Variants in GRAMD1B observed in about 807,000 individuals in gnomAD.
GRAMD1B encodes the protein GRAM domain containing 1B.
In GRAMD1B, 37 loss-of-function variants were observed where a neutral mutation model predicts 99.7. The observed-to-expected ratio is 0.37, with a 90% confidence interval of 0.29 to 0.49. The LOEUF is 0.49. GRAMD1B is among the 20% of genes least tolerant of loss of function. The pLI, the probability that GRAMD1B is intolerant of heterozygous loss-of-function variation, is 0.98. For missense variants in GRAMD1B, 888 were observed against 1,009.2 expected (o/e 0.88, Z 1.63); for synonymous variants, 427 against 387.6 (o/e 1.10, Z -1.19).
At chr11:123,542,757 A>G (rs1944658851) in intron 2 of GRAMD1B, among the ~76,000 whole-genome samples, 1 of 152,102 alleles carries the variant, frequency 6.6e-6, no homozygotes, top group South Asian at 2.1e-4. Flanking sequence ...GGTTCAAGCA[A>G]TTCTTCTGCT....
At chr11:123,449,158 G>A (rs1252785558) in intron 1 of GRAMD1B, among the ~76,000 whole-genome samples, 1 of 152,206 alleles carries the variant, frequency 6.6e-6, no homozygotes, top group Non-Finnish European at 1.5e-5. Context: ...TCTTGACTGA[G>A]GTCTTCATTA....
In GRAMD1B at chr11:123,626,807, CTT is replaced by C. The variant is rs1955530800; in HGVS notation, c.*4213_*4214del. On this transcript the variant is annotated 3_prime_UTR_variant, in exon 20 of 20. Transcript: ENST00000635736. ...CCAATCCTCTTCACCTCTGTGTTTT[CTT>C]CTAGAAGATGCATTTTGGGTCTGAG... The C allele has an allele frequency of 6.6e-6, 1 of 152,300 alleles. No individual in the cohort carries two copies. The highest frequency in any genetic ancestry group is 6.5e-5 in the Admixed American group (1 of 15,284). The allele number at this position is 152,300 out of a possible 1,614,324, so 9.4% of individuals were successfully genotyped here. A position where few individuals can be genotyped will look rare whatever the true frequency, so the allele number is the denominator to read the frequency against.
At chr11:123,478,521 CT>C (rs1197998076) in intron 1 of GRAMD1B, among the ~76,000 whole-genome samples, 5 of 152,204 alleles carry the variant, frequency 3.3e-5, no homozygotes, top group Non-Finnish European at 5.9e-5. Context: ...GAGGCAGTTC[CT>C]GGTTCCGGTT....
At chr11:123,538,035 G>C (rs1178471180) in intron 2 of GRAMD1B, among the ~76,000 whole-genome samples, 2 of 152,160 alleles carry the variant, frequency 1.3e-5, no homozygotes, top group South Asian at 4.1e-4. Context: ...GGTACCCTTA[G>C]CCACATCCTT....
chr11:123,612,259 C>G (rs1025425379), intron 14 of GRAMD1B, among the ~76,000 whole-genome samples: 11 of 152,120 alleles, frequency 7.2e-5, no homozygotes, highest in African/African-American at 2.4e-4. Context: ...GGGTCTCACT[C>G]TGTTGCCCAG....
chr11:123,526,608 G>GA lies in GRAMD1B; in HGVS notation c.452+45715_452+45716insA, dbSNP rs1436587945. 3.9e-5 allele frequency among the ~76,000 whole-genome samples: 6 copies of GA among 152,274 alleles called. No homozygotes were observed. In the East Asian group the frequency reaches 1.2e-3, roughly 30 times the overall value. On this transcript the variant is annotated intron_variant, in intron 2 of 19. Coordinates refer to ENST00000635736, the MANE Select transcript of GRAMD1B (RefSeq NM_001387025.1). ...GTGATTTTGAGGGAGGGTGTGCGGG[G>GA]GGCCTTTCTCACGTCAGCTGCTTAG...
In GRAMD1B at chr11:123,594,634, G is replaced by C. The variant is rs900275669; in HGVS notation, c.770-101G>C. The C allele has an allele frequency of 1.1e-5, 8 of 704,218 alleles. No individual in the cohort carries two copies. The Admixed American group carries it at 1.6e-4, about 14-fold the overall frequency. The allele number at this position is 704,218 out of a possible 1,614,324, so 43.6% of individuals were successfully genotyped here. On this transcript the variant is annotated intron_variant, in intron 5 of 19. Coordinates refer to ENST00000635736, the MANE Select transcript of GRAMD1B (RefSeq NM_001387025.1). ...ACCCCTTGTCCGTGGTGGGCATTGG[G>C]CTCCCCCAGTGCTGGTGGGAGGGAT...
chr11:123,598,095 T>G (rs1951507615), intron 7 of GRAMD1B: 3 of 1,582,840 alleles, frequency 1.9e-6, no homozygotes, highest in Non-Finnish European at 2.6e-6. Context: ...GCATCTTTAA[T>G]CTGTGTCACA....
chr11:123,490,872 A>G (rs1938478360), intron 2 of GRAMD1B, among the ~76,000 whole-genome samples: 3 of 152,160 alleles, frequency 2.0e-5, no homozygotes, highest in Non-Finnish European at 2.9e-5. Context: ...CCTAGGTGCT[A>G]TGGTAGGAAG....
chr11:123,436,807 G>A (rs542912152), intron 1 of GRAMD1B, among the ~76,000 whole-genome samples: 66 of 152,156 alleles, frequency 4.3e-4, no homozygotes, highest in Middle Eastern at 6.8e-3. Flanking sequence ...CAATGTGCAG[G>A]TTTGTTACAT....
intron 1 of GRAMD1B, among the ~76,000 whole-genome samples, chr11:123,371,743 C>G (rs1470376502): frequency 1.3e-5 from 2 of 152,220 alleles, no homozygotes. Flanking sequence ...GGGAAGAGCA[C>G]CAGCACGTGA....
At chr11:123,393,958 G>A (rs1189117879) in intron 1 of GRAMD1B, among the ~76,000 whole-genome samples, 1 of 152,136 alleles carries the variant, frequency 6.6e-6, no homozygotes, top group Non-Finnish European at 1.5e-5. Context: ...TCTTTCCACT[G>A]CAAATCCCTT....
chr11:123,431,528 A>C (rs1948889813), intron 1 of GRAMD1B, among the ~76,000 whole-genome samples: 1 of 152,264 alleles, frequency 6.6e-6, no homozygotes, highest in Admixed American at 6.5e-5. Flanking sequence ...ATGTACCTCC[A>C]GATTTCATCC....
At chr11:123,572,251 A>T (rs1948184644) in intron 2 of GRAMD1B, among the ~76,000 whole-genome samples, 1 of 152,188 alleles carries the variant, frequency 6.6e-6, no homozygotes, top group African/African-American at 2.4e-5. Flanking sequence ...ATCTAACACC[A>T]GTCTTCCTTC....
rs770991718 is a variant in GRAMD1B at position 123,608,454 on chromosome 11, G to A, written c.1514-205G>A. ...ATGGGTAGTGTCAGCTAAAGGAAAT[G>A]GTGTGCATCCCAGCAAAAGAAAGAG... On this transcript the variant is annotated intron_variant, in intron 11 of 19. Transcript: ENST00000635736. 2.0e-5 allele frequency: 30 copies of A among 1,496,386 alleles called. No homozygotes were observed. The African/African-American group carries it at 3.7e-4, about 19-fold the overall frequency. The allele number at this position is 1,496,386 out of a possible 1,614,324, so 92.7% of individuals were successfully genotyped here.
At chr11:123,391,106 G>A (rs1947262070) in intron 1 of GRAMD1B, among the ~76,000 whole-genome samples, 1 of 152,072 alleles carries the variant, frequency 6.6e-6, no homozygotes, top group South Asian at 2.1e-4. Context: ...TCTCTACCCA[G>A]CTCTGCTCTT....
chr11:123,557,977 C>CTTTTTTT (rs532091098), intron 2 of GRAMD1B, among the ~76,000 whole-genome samples: 1 of 99,916 alleles, frequency 1.0e-5, no homozygotes, highest in African/African-American at 3.2e-5. Flanking sequence ...TTCAGTGCAA[C>CTTTTTTT]TTTTTTTTTT....
chr11:123,380,269 A>G (rs1453851043), intron 1 of GRAMD1B, among the ~76,000 whole-genome samples: 1 of 152,216 alleles, frequency 6.6e-6, no homozygotes, highest in Non-Finnish European at 1.5e-5. Context: ...ACAAAGATTT[A>G]TGCCAATGCT....
chr11:123,414,378 T>G (rs1948157131), intron 1 of GRAMD1B, among the ~76,000 whole-genome samples: 1 of 152,174 alleles, frequency 6.6e-6, no homozygotes, highest in Non-Finnish European at 1.5e-5. Context: ...ATAATTATTA[T>G]TCTTACTAGT....
Sources: allele counts gnomAD v4.1 joint callset (sites outside exome capture counted in the v4.1 genomes callset), GRCh38; gene constraint gnomAD v4.1.1; transcripts MANE v1.5; gene names NCBI Gene and HGNC (gene_info 2026-07-23, HGNC 2026-07-21).